EXOG: variants seen among roughly 807,000 people sequenced by gnomAD.
EXOG encodes exo/endonuclease G, also known as nuclease EXOG, mitochondrial.
EXOG carries 27 observed loss-of-function variants against 25.8 expected under a neutral mutation model. That is an observed-to-expected ratio of 1.05 (90% CI 0.77 to 1.45). EXOG has a LOEUF of 1.45. Ranked by LOEUF, EXOG falls within the 40% of genes most tolerant of loss-of-function variation. EXOG has a pLI of 0.00. For missense variants in EXOG, 458 were observed against 450.5 expected (o/e 1.02, Z -0.15); for synonymous variants, 133 against 167.0 (o/e 0.80, Z 1.57).
intron 5 of EXOG, among the ~76,000 whole-genome samples, chr3:38,514,436 G>A (rs1194106397): frequency 1.3e-5 from 2 of 152,158 alleles, no homozygotes; most frequent in East Asian, 3.9e-4. Flanking sequence ...AATATAGACA[G>A]GAGAGAACAA....
intron 5 of EXOG, chr3:38,523,044 A>T (rs1444410472): frequency 7.5e-6 from 3 of 400,554 alleles, no homozygotes; most frequent in Non-Finnish European, 1.4e-5. Context: ...ATTTAATTTT[A>T]AAAATTAGCC....
intron 5 of EXOG, among the ~76,000 whole-genome samples, chr3:38,512,076 G>A (rs2060386898): frequency 6.6e-6 from 1 of 152,044 alleles, no homozygotes; most frequent in African/African-American, 2.4e-5. Context: ...CACAATTTTT[G>A]TAGTCTTCTA....
At chr3:38,497,515 G>A in intron 1 of EXOG, 114 bp from the exon 2 acceptor site, 1 of 1,402,692 alleles carries the variant, frequency 7.1e-7, no homozygotes, top group South Asian at 1.7e-5. Flanking sequence ...CCAGTCCTTT[G>A]TAAATCACAC....
chr3:38,518,384 A>G (rs146855008), intron 5 of EXOG, among the ~76,000 whole-genome samples: 5 of 152,314 alleles, frequency 3.3e-5, no homozygotes, highest in African/African-American at 9.6e-5. Context: ...ACAAATATAG[A>G]TAAAATGATG....
intron 5 of EXOG, 87 bp downstream of exon 5, chr3:38,507,055 A>G (rs1405560119): frequency 1.7e-6 from 1 of 597,146 alleles, no homozygotes; most frequent in Non-Finnish European, 2.9e-6. Flanking sequence ...TATTTTTATC[A>G]TTCAAAAAAA....
intron 4 of EXOG, 128 bp downstream of exon 4, chr3:38,503,819 T>C (rs2125760049): frequency 1.9e-6 from 1 of 538,860 alleles, no homozygotes; most frequent in Non-Finnish European, 3.3e-6. Context: ...AAGGTAAGTA[T>C]GTTGGGCCAG....
chr3:38,505,139 G>A (rs1205197397), intron 4 of EXOG, among the ~76,000 whole-genome samples: 2 of 152,120 alleles, frequency 1.3e-5, no homozygotes, highest in African/African-American at 4.8e-5. Flanking sequence ...TTTATAGTCA[G>A]TGTTCAAATT....
chr3:38,521,621 C>G (rs1038316619), intron 5 of EXOG, among the ~76,000 whole-genome samples: 11 of 152,228 alleles, frequency 7.2e-5, no homozygotes, highest in African/African-American at 2.7e-4. Context: ...GGATTCCTAG[C>G]TAGCACCTGG....
intron 4 of EXOG, among the ~76,000 whole-genome samples, chr3:38,504,439 G>GT (rs1462721960): frequency 4.0e-5 from 6 of 151,840 alleles, no homozygotes; most frequent in Non-Finnish European, 7.4e-5. Context: ...TTTTTTGTTT[G>GT]TTTTTTGTTT....
chr3:38,518,917 T>C (rs537147592), intron 5 of EXOG, among the ~76,000 whole-genome samples: 2 of 152,310 alleles, frequency 1.3e-5, no homozygotes, highest in South Asian at 4.1e-4. Context: ...TGTCTGACAA[T>C]TGCCAGTCAT....
At chr3:38,513,004 G>A (rs2060420116) in intron 5 of EXOG, among the ~76,000 whole-genome samples, 1 of 152,102 alleles carries the variant, frequency 6.6e-6, no homozygotes, top group Non-Finnish European at 1.5e-5. Flanking sequence ...GTCTCACTAT[G>A]TTGCCCCAGC....
intron 5 of EXOG, 77 bp downstream of exon 5, chr3:38,507,045 T>G: frequency 1.5e-6 from 1 of 658,652 alleles, no homozygotes; most frequent in African/African-American, 1.9e-5. Context: ...TTTTTATTTT[T>G]ATTTTTATCA....
chr3:38,508,199 G>C (rs1353942127), intron 5 of EXOG, among the ~76,000 whole-genome samples: 3 of 152,110 alleles, frequency 2.0e-5, no homozygotes, highest in East Asian at 3.9e-4. Flanking sequence ...TGAATAAATG[G>C]GAAGAAAAGC....
Position 38,525,150 on chromosome 3 carries a change from C to T in EXOG, c.*788C>T, listed in dbSNP as rs2125811289. 1 of 922,018 alleles carries T rather than the reference C, an allele frequency of 1.1e-6. No homozygotes were observed. The highest frequency in any genetic ancestry group is 1.3e-6 in the Non-Finnish European group (1 of 772,700). 57.1% of individuals were successfully genotyped at this position (922,018 alleles called of 1,614,324 possible). A position where few individuals can be genotyped will look rare whatever the true frequency, so the allele number is the denominator to read the frequency against. ...GCTCAGTGCTTTACATGTGTTGTCTCACAATGACTCTCTGAGGTAAATACA... is the reference window on the plus strand; with the variant it reads ...GCTCAGTGCTTTACATGTGTTGTCTTACAATGACTCTCTGAGGTAAATACA... On this transcript the variant is annotated 3_prime_UTR_variant, in exon 6 of 6. Transcript: ENST00000287675.
intron 5 of EXOG, among the ~76,000 whole-genome samples, chr3:38,522,599 G>T (rs2060752557): frequency 6.6e-6 from 1 of 152,178 alleles, no homozygotes; most frequent in African/African-American, 2.4e-5. Flanking sequence ...CCACCTCCCG[G>T]GTTCAAGTGA....
At chr3:38,512,532 C>CT (rs1221799962) in intron 5 of EXOG, among the ~76,000 whole-genome samples, 3 of 152,128 alleles carry the variant, frequency 2.0e-5, no homozygotes, top group Non-Finnish European at 2.9e-5. Flanking sequence ...ATTTCTTGCA[C>CT]TGCACTATAC....
Position 38,497,604 on chromosome 3 carries a change from CTTT to C in EXOG, c.164-12_164-10del, listed in dbSNP as rs72284153. 0.032 allele frequency: 43,959 copies of C among 1,376,638 alleles called. 510 individuals are homozygous for C. The highest frequency in any genetic ancestry group is 0.18 in the East Asian group (6,821 of 37,460). The allele number at this position is 1,376,638 out of a possible 1,614,324, so 85.3% of individuals were successfully genotyped here. A position where few individuals can be genotyped will look rare whatever the true frequency, so the allele number is the denominator to read the frequency against. On this transcript the variant is annotated intron_variant, in intron 1 of 5. Coordinates refer to ENST00000287675, the MANE Select transcript of EXOG (RefSeq NM_005107.4). Reference sequence around the variant, plus strand: ...TGTGTTTTTTTTGTCTCTGCCCCCCCTTTTTTTTTTTTTTTCATTTTTAGGATC... The same window carrying C: ...TGTGTTTTTTTTGTCTCTGCCCCCCCTTTTTTTTTTTTCATTTTTAGGATC...
At chr3:38,507,707 A>C (rs1052853871) in intron 5 of EXOG, among the ~76,000 whole-genome samples, 1 of 152,186 alleles carries the variant, frequency 6.6e-6, no homozygotes, top group Non-Finnish European at 1.5e-5. Flanking sequence ...CATTTGAAGA[A>C]GAGATTAGAG....
At chr3:38,515,625 C>T (rs554059351) in intron 5 of EXOG, 25 of 167,558 alleles carry the variant, frequency 1.5e-4, no homozygotes, top group Admixed American at 3.8e-4. Flanking sequence ...TGAACAGCTG[C>T]GCCCAGGGCT....
Sources: gnomAD v4.1 joint callset for allele counts (sites outside exome capture counted in the v4.1 genomes callset) on GRCh38, gnomAD v4.1.1 for gene constraint, MANE v1.5 for transcripts, NCBI Gene and HGNC (gene_info 2026-07-23, HGNC 2026-07-21) for gene names.